TET1: variants seen among roughly 807,000 people sequenced by gnomAD.
TET1 encodes the protein tet methylcytosine dioxygenase 1, also known as methylcytosine dioxygenase TET1.
Under a neutral mutation model 148.7 loss-of-function variants are expected in TET1, and 13 were observed. The observed-to-expected ratio is 0.09, with a 90% confidence interval of 0.06 to 0.14. The LOEUF is 0.14. Ranked by LOEUF, TET1 falls within the 10% of genes least tolerant of loss-of-function variation. The pLI, the probability that TET1 is intolerant of heterozygous loss-of-function variation, is 1.00. For synonymous variants in TET1, 907 were observed against 937.2 expected (o/e 0.97, Z 0.59); for missense variants, 2,182 against 2,553.8 (o/e 0.85, Z 3.14).
chr10:68,633,418 T>G (rs2054606273), intron 3 of TET1, among the ~76,000 whole-genome samples: 1 of 152,058 alleles, frequency 6.6e-6, no homozygotes, highest in South Asian at 2.1e-4. Context: ...TCTTCCTCTG[T>G]CACCCAGGCT....
intron 2 of TET1, among the ~76,000 whole-genome samples, chr10:68,582,600 G>A (rs567888342): frequency 2.2e-4 from 33 of 152,274 alleles, no homozygotes; most frequent in Admixed American, 9.2e-4. Context: ...TGTGATAATT[G>A]TCTAGTTCCA....
intron 7 of TET1, 115 bp from the exon 8 acceptor site, chr10:68,672,780 T>G (rs916845256): frequency 8.9e-5 from 64 of 718,376 alleles, no homozygotes; most frequent in Non-Finnish European, 9.0e-5. Flanking sequence ...AATAGATAAG[T>G]GTTATAACCG....
chr10:68,653,842 C>T (rs1387354953), intron 6 of TET1, among the ~76,000 whole-genome samples: 1 of 152,142 alleles, frequency 6.6e-6, no homozygotes, highest in Non-Finnish European at 1.5e-5. Flanking sequence ...CACGGTGGCT[C>T]ACGCCTGTAA....
At chr10:68,591,386 CTGT>C (rs755371923) in intron 2 of TET1, among the ~76,000 whole-genome samples, 43 of 152,252 alleles carry the variant, frequency 2.8e-4, no homozygotes, top group African/African-American at 8.9e-4. Context: ...TCGAACATAG[CTGT>C]TGTTCTGTAT....
chr10:68,653,329 G>A (rs1390329273), intron 6 of TET1, among the ~76,000 whole-genome samples: 3 of 152,054 alleles, frequency 2.0e-5, no homozygotes, highest in Non-Finnish European at 2.9e-5. Flanking sequence ...ATTCCCTATT[G>A]TGTTAAATCA....
intron 2 of TET1, among the ~76,000 whole-genome samples, chr10:68,575,060 G>T (rs2053712695): frequency 6.6e-6 from 1 of 152,210 alleles, no homozygotes; most frequent in East Asian, 1.9e-4. Flanking sequence ...CATCTACTAT[G>T]AATGCAGGTA....
In TET1 at chr10:68,578,584, A is replaced by G. The variant is rs796890444; in HGVS notation, c.1914+4332A>G. Among the ~76,000 whole-genome samples the G allele has an allele frequency of 1.6e-4, 25 of 152,194 alleles. 3 individuals carry two copies. The highest frequency in any genetic ancestry group is 6.0e-4 in the African/African-American group (25 of 41,542). On this transcript the variant is annotated intron_variant, in intron 2 of 11. Transcript: ENST00000373644. ...TATAATATTTTAATTCTTTTTTTAA[A>G]GCCCCAACCATGGCAAGGACAGATT...
intron 3 of TET1, among the ~76,000 whole-genome samples, chr10:68,609,118 C>G (rs1394180506): frequency 6.6e-6 from 1 of 152,112 alleles, no homozygotes; most frequent in African/African-American, 2.4e-5. Flanking sequence ...CCACCTCAGT[C>G]TCCTGAGTAC....
chr10:68,680,985 G>A (rs2055428151), intron 8 of TET1, among the ~76,000 whole-genome samples: 1 of 152,180 alleles, frequency 6.6e-6, no homozygotes, highest in Non-Finnish European at 1.5e-5. Flanking sequence ...TTTTATGTAT[G>A]TACTCTCTCT....
intron 3 of TET1, among the ~76,000 whole-genome samples, chr10:68,628,512 C>A (rs1352947368): frequency 1.3e-5 from 2 of 152,132 alleles, no homozygotes; most frequent in Non-Finnish European, 2.9e-5. Flanking sequence ...AAGATCTGTC[C>A]TTGAAGTCCA....
chr10:68,573,037 G>T lies in TET1; in HGVS notation c.699G>T (p.Leu233Phe), dbSNP rs1346348989. The change falls in exon 2 of 12, where the codon TTG (leucine) becomes TTT (phenylalanine). Residue 233 changes from leucine (L) to phenylalanine (F), a missense_variant. This residue lies in a region of TET1 where 665 missense variants were observed against 672.4 expected (regional missense o/e 0.99). Coordinates refer to ENST00000373644, the MANE Select transcript of TET1 (RefSeq NM_030625.3). The stretch of plus-strand genomic sequence containing the variant: ...AAGGACTATTCTCTGAAGAGACATT[G>T]AATGATACCAGTGGTTCCCCAAAAA... ...CGEGLFSEET[L>F]NDTSGSPKMF... 1 of 1,614,130 alleles carries T rather than the reference G, an allele frequency of 6.2e-7. No individual in the cohort carries two copies. The highest frequency in any genetic ancestry group is 8.5e-7 in the Non-Finnish European group (1 of 1,180,026).
At chr10:68,655,148 T>C (rs2055003517) in intron 6 of TET1, among the ~76,000 whole-genome samples, 1 of 152,082 alleles carries the variant, frequency 6.6e-6, no homozygotes. Context: ...CTGAGCAACA[T>C]AGCAAGACCC....
chr10:68,624,602 C>T (rs537257407), intron 3 of TET1, among the ~76,000 whole-genome samples: 1 of 113,952 alleles, frequency 8.8e-6, no homozygotes, highest in East Asian at 2.8e-4. Context: ...TTTTCTTTTT[C>T]TCTTTCTTTC....
intron 7 of TET1, among the ~76,000 whole-genome samples, chr10:68,670,747 A>T (rs2055261978): frequency 6.6e-6 from 1 of 152,094 alleles, no homozygotes; most frequent in African/African-American, 2.4e-5. Context: ...TTTTCATTCC[A>T]TTTGCATCTC....
intron 3 of TET1, among the ~76,000 whole-genome samples, chr10:68,624,602 CTCTTTCTTTCTT>C (rs771481993): frequency 1.2e-3 from 132 of 113,944 alleles, no homozygotes; most frequent in Non-Finnish European, 1.9e-3. Context: ...TTTTCTTTTT[CTCTTTCTTTCTT>C]TCTTTCTTTC....
rs1169743622 is a variant in TET1, at chr10:68,645,437, C to T, written c.2708C>T (p.Ala903Val). 6.2e-7 allele frequency: 1 copy of T among 1,613,734 alleles called. No individual in the cohort carries two copies. Among genetic ancestry groups the T allele is most frequent in the Non-Finnish European group, 8.5e-7 (1 of 1,180,046 alleles). Residue 903 changes from alanine to valine, a missense_variant, in exon 4 of 12, where the codon GCC (alanine) becomes GTC (valine). Transcript: ENST00000373644. Reference protein sequence around the residue: ...AIEALTQLSEAPSENSSPSKS... With the variant: ...AIEALTQLSEVPSENSSPSKS... ...GAGGCCCTGACTCAACTCTCAGAAG[C>T]CCCATCAGAGAATTCCTCCCCATCA...
At chr10:68,652,249 C>T (rs1358418383) in intron 5 of TET1, among the ~76,000 whole-genome samples, 1 of 152,164 alleles carries the variant, frequency 6.6e-6, no homozygotes, top group Non-Finnish European at 1.5e-5. Flanking sequence ...ACCCTACATT[C>T]CCATTGCTTG....
intron 6 of TET1, among the ~76,000 whole-genome samples, chr10:68,653,005 T>C (rs1487553649): frequency 1.3e-5 from 2 of 151,894 alleles, no homozygotes; most frequent in Non-Finnish European, 2.9e-5. Context: ...GTTGCAAATA[T>C]ATTTTCTCAG....
chr10:68,619,386 C>T (rs2132960755), intron 3 of TET1, among the ~76,000 whole-genome samples: 1 of 152,190 alleles, frequency 6.6e-6, no homozygotes, highest in Middle Eastern at 3.4e-3. Context: ...CTCACCACCA[C>T]ACCTGGCTTT....
Sources: allele counts gnomAD v4.1 joint callset (sites outside exome capture counted in the v4.1 genomes callset), GRCh38; gene constraint gnomAD v4.1.1; regional missense constraint gnomAD v4.1.1; transcripts MANE v1.5; gene names NCBI Gene and HGNC (gene_info 2026-07-23, HGNC 2026-07-21).